TUNAR: variants seen among roughly 807,000 people sequenced by gnomAD.
The protein encoded by TUNAR is transmembrane neural differentiation associated intracellular calcium regulator, also known as protein TUNAR.
intron 2 of TUNAR, among the ~76,000 whole-genome samples, chr14:95,903,777 G>A (rs1015569371): frequency 2.0e-5 from 3 of 152,230 alleles, no homozygotes; most frequent in African/African-American, 7.2e-5. Flanking sequence ...GGGGCAGATG[G>A]TGGCTGGGGC....
chr14:95,901,881 G>A (rs372384346), intron 2 of TUNAR, among the ~76,000 whole-genome samples: 1 of 152,212 alleles, frequency 6.6e-6, no homozygotes, highest in Non-Finnish European at 1.5e-5. Context: ...TATCCTGGAA[G>A]ACTTTTGCTG....
chr14:95,913,098 T>TTCC (rs201089751), intron 2 of TUNAR, among the ~76,000 whole-genome samples: 16 of 133,568 alleles, frequency 1.2e-4, no homozygotes, highest in African/African-American at 4.6e-4. Context: ...GCCGGGCATC[T>TTCC]TTTTTTTTTT....
intron 2 of TUNAR, among the ~76,000 whole-genome samples, chr14:95,902,403 C>A (rs1169762641): frequency 6.6e-6 from 1 of 152,070 alleles, no homozygotes; most frequent in Non-Finnish European, 1.5e-5. Context: ...TAAAACCCAC[C>A]CAGCTGTCTA....
intron 2 of TUNAR, among the ~76,000 whole-genome samples, chr14:95,906,650 TC>T (rs1456433450): frequency 1.3e-5 from 2 of 152,252 alleles, no homozygotes; most frequent in Non-Finnish European, 2.9e-5. Flanking sequence ...TTCTTTTCTT[TC>T]CCACCCCCTT....
intron 2 of TUNAR, among the ~76,000 whole-genome samples, chr14:95,917,187 G>A (rs548557911): frequency 5.9e-5 from 9 of 152,146 alleles, no homozygotes; most frequent in African/African-American, 1.4e-4. Flanking sequence ...TAAAAGTTTC[G>A]AAGTGTTCTT....
chr14:95,882,906 A>C (rs930538628), intron 2 of TUNAR, among the ~76,000 whole-genome samples: 9 of 152,266 alleles, frequency 5.9e-5, no homozygotes, highest in Non-Finnish European at 1.2e-4. Context: ...TTTTAAATAA[A>C]GTGAATGCCC....
At chr14:95,894,818 G>A (rs1012862078) in intron 2 of TUNAR, among the ~76,000 whole-genome samples, 2 of 152,198 alleles carry the variant, frequency 1.3e-5, no homozygotes, top group African/African-American at 4.8e-5. Context: ...TTGGGATGAC[G>A]CACAGGGAAG....
At chr14:95,910,644 A>T (rs2139667829) in intron 2 of TUNAR, among the ~76,000 whole-genome samples, 1 of 152,082 alleles carries the variant, frequency 6.6e-6, no homozygotes, top group South Asian at 2.1e-4. Flanking sequence ...GTTCTTTGGA[A>T]CTCCTGGGAG....
chr14:95,923,028 G>A (rs1030541115), exon 3 of TUNAR: 29 of 398,838 alleles, frequency 7.3e-5, no homozygotes, highest in Non-Finnish European at 1.2e-4. Flanking sequence ...GCGTGTCGGC[G>A]CATCACTGAC....
At chr14:95,916,366 G>A (rs1731602366) in intron 2 of TUNAR, among the ~76,000 whole-genome samples, 1 of 152,174 alleles carries the variant, frequency 6.6e-6, no homozygotes, top group Admixed American at 6.5e-5. Context: ...TCCCACATAA[G>A]TGGGAACATC....
intron 2 of TUNAR, among the ~76,000 whole-genome samples, chr14:95,902,046 T>C (rs1889362584): frequency 1.3e-5 from 2 of 152,184 alleles, no homozygotes; most frequent in Admixed American, 6.5e-5. Flanking sequence ...CCTTTAGTTG[T>C]GATGGGATTG....
chr14:95,877,268 TAC>T (rs1404856943), intron 2 of TUNAR, 91 bp downstream of exon 1: 3 of 152,206 alleles, frequency 2.0e-5, no homozygotes, highest in Non-Finnish European at 4.4e-5. Flanking sequence ...CTTCCCCACT[TAC>T]AGCCTGGAAA....
intron 2 of TUNAR, among the ~76,000 whole-genome samples, chr14:95,906,761 T>C (rs1889432476): frequency 6.6e-6 from 1 of 152,238 alleles, no homozygotes; most frequent in South Asian, 2.1e-4. Flanking sequence ...TTGAATTGCT[T>C]TGTGTGGACA....
intron 1 of TUNAR, 166 bp from the exon 1 acceptor site, chr14:95,876,666 C>G (rs911640499): frequency 2.6e-5 from 4 of 152,320 alleles, no homozygotes; most frequent in African/African-American, 9.6e-5. Flanking sequence ...AGGGCAGCTA[C>G]GGCCACCGTG....
rs536968386 is a variant in TUNAR at position 95,917,186 on chromosome 14, C to T, written c.13-5595C>T. On this transcript the variant is annotated intron_variant, in intron 2 of 2. Transcript: ENST00000678517. ...CCTTTATATTGCCTTATAAAAGTTTCGAAGTGTTCTTTTTCTATTCTTATC... is the reference window on the plus strand; with the variant it reads ...CCTTTATATTGCCTTATAAAAGTTTTGAAGTGTTCTTTTTCTATTCTTATC... Among the ~76,000 whole-genome samples, 152 of 152,214 alleles carry T rather than the reference C, an allele frequency of 1.0e-3. 1 individual carries two copies. The highest frequency in any genetic ancestry group is 3.4e-3 in the African/African-American group (141 of 41,548).
At chr14:95,877,249 C>G (rs1888903252) in intron 2 of TUNAR, 72 bp downstream of exon 1, 1 of 152,288 alleles carries the variant, frequency 6.6e-6, no homozygotes, top group Non-Finnish European at 1.5e-5. Context: ...GGGCCCCTGT[C>G]CTACCCTCCT....
At chr14:95,924,012 C>T (rs1234848844) in exon 3 of TUNAR, 2 of 152,196 alleles carry the variant, frequency 1.3e-5, no homozygotes, top group Non-Finnish European at 2.9e-5. Context: ...GAATATTCAG[C>T]TTCTTACCGG....
intron 2 of TUNAR, among the ~76,000 whole-genome samples, chr14:95,884,120 C>G (rs1015072037): frequency 6.6e-6 from 1 of 152,266 alleles, no homozygotes; most frequent in East Asian, 1.9e-4. Context: ...CCACGCTTCC[C>G]GCTCCTCCTC....
chr14:95,913,521 G>A (rs981121701), intron 2 of TUNAR, among the ~76,000 whole-genome samples: 23 of 152,132 alleles, frequency 1.5e-4, no homozygotes, highest in Non-Finnish European at 2.8e-4. Context: ...TTTTCATTCC[G>A]CAATTTACTA....
Sources: gnomAD v4.1 joint callset for allele counts (sites outside exome capture counted in the v4.1 genomes callset) on GRCh38, gnomAD v4.1.1 for gene constraint, MANE v1.5 for transcripts, NCBI Gene and HGNC (gene_info 2026-07-23, HGNC 2026-07-21) for gene names.